The following ANKFN1 variants were observed in gnomAD, a reference collection of about 807,000 sequenced individuals.
The protein encoded by ANKFN1 is ankyrin repeat and fibronectin type III domain containing 1.
In ANKFN1, 74 loss-of-function variants were observed where a neutral mutation model predicts 108.7. The observed-to-expected ratio is 0.68, with a 90% CI of 0.56 to 0.83. ANKFN1 has a LOEUF of 0.83. Among genes scored for constraint, ANKFN1 ranks in the 40% least tolerant of loss-of-function variants. ANKFN1 has a pLI of 0.00. For synonymous variants in ANKFN1, 547 were observed against 516.2 expected, an observed-to-expected ratio of 1.06 and a Z score of -0.81; for missense variants, 1,505 against 1,382.3, an observed-to-expected ratio of 1.09 and a Z score of -1.41.
chr17:56,153,750 G>A (rs955685036), intron 1 of ANKFN1: 2 of 630,800 alleles, frequency 3.2e-6, no homozygotes, highest in Non-Finnish European at 5.6e-6. Context: ...TGTCTTTTGG[G>A]AGGTGGGAGA....
intron 1 of ANKFN1, among the ~76,000 whole-genome samples, chr17:56,209,498 CT>C (rs1355638526): frequency 1.3e-5 from 2 of 152,130 alleles, no homozygotes; most frequent in Non-Finnish European, 2.9e-5. Flanking sequence ...AGAAAACAGC[CT>C]TTTAAATATA....
intron 1 of ANKFN1, among the ~76,000 whole-genome samples, chr17:56,205,476 G>A (rs951328744): frequency 3.2e-4 from 49 of 152,252 alleles, no homozygotes; most frequent in African/African-American, 8.9e-4. Flanking sequence ...CTCATAAGCC[G>A]TTAGATCCTT....
At chr17:56,401,984 G>C (rs1469727816) in intron 8 of ANKFN1, among the ~76,000 whole-genome samples, 1 of 151,936 alleles carries the variant, frequency 6.6e-6, no homozygotes, top group Admixed American at 6.6e-5. Flanking sequence ...TGTTTATGTG[G>C]TGTATCACAT....
intron 4 of ANKFN1, among the ~76,000 whole-genome samples, chr17:56,145,974 A>G (rs1404702595): frequency 6.6e-6 from 1 of 152,224 alleles, no homozygotes; most frequent in African/African-American, 2.4e-5. Context: ...TGTAAAATCA[A>G]AAGCAAGTTA....
chr17:56,371,000 C>T (rs563775090), intron 6 of ANKFN1, among the ~76,000 whole-genome samples: 91 of 151,898 alleles, frequency 6.0e-4, no homozygotes, highest in Non-Finnish European at 1.1e-3. Context: ...TGCTTCCCTA[C>T]GTCCACAGCA....
In ANKFN1 at chr17:56,124,846, C is replaced by A. The variant is rs572047395; in HGVS notation, c.288+78521C>A. Among the ~76,000 whole-genome samples the A allele has an allele frequency of 2.6e-5, 4 of 152,312 alleles. No individual in the cohort carries two copies. In the East Asian group the frequency reaches 7.7e-4, roughly 29 times the overall value. On this transcript the variant is annotated intron_variant, in intron 4 of 12. Coordinates refer to the ANKFN1 transcript ENST00000635860. Reference sequence around the variant, plus strand: ...GCCCTTTTCTCCCCATATTTTTAACCCATGCTGTCCTTGGTTCTCTTTCCT... The same window carrying A: ...GCCCTTTTCTCCCCATATTTTTAACACATGCTGTCCTTGGTTCTCTTTCCT...
At chr17:56,394,767 G>C (rs2047530833) in intron 8 of ANKFN1, among the ~76,000 whole-genome samples, 2 of 152,292 alleles carry the variant, frequency 1.3e-5, no homozygotes, top group South Asian at 2.1e-4. Context: ...GCTGGCACTG[G>C]AGATGATAAG....
At chr17:56,342,296 T>G (rs1377776942) in intron 4 of ANKFN1, among the ~76,000 whole-genome samples, 3 of 151,738 alleles carry the variant, frequency 2.0e-5, no homozygotes, top group African/African-American at 7.3e-5. Flanking sequence ...TGTCTCTACC[T>G]CCTTAAGTTC....
intron 4 of ANKFN1, among the ~76,000 whole-genome samples, chr17:56,106,323 T>C (rs1428163270): frequency 1.6e-4 from 25 of 151,978 alleles, no homozygotes; most frequent in Admixed American, 1.6e-3. Flanking sequence ...TTTCCTAGAG[T>C]TGTCATGAGG....
chr17:56,336,714 T>A (rs542514267), intron 4 of ANKFN1, among the ~76,000 whole-genome samples: 223 of 152,304 alleles, frequency 1.5e-3, no homozygotes, highest in African/African-American at 5.0e-3. Context: ...TGTGTCTCTA[T>A]CTCCTTCAGT....
At chr17:56,413,316 C>G (rs1009229722) in intron 8 of ANKFN1, among the ~76,000 whole-genome samples, 2 of 152,122 alleles carry the variant, frequency 1.3e-5, no homozygotes, top group Non-Finnish European at 2.9e-5. Context: ...GCTGAAGCAA[C>G]TTTGGGGCCA....
chr17:56,311,167 TTGTGTG>T (rs34528192), intron 3 of ANKFN1, among the ~76,000 whole-genome samples: 2 of 147,606 alleles, frequency 1.4e-5, no homozygotes, highest in Non-Finnish European at 3.0e-5. Flanking sequence ...TCTCGTGTGT[TTGTGTG>T]TGTGTGTGTG....
intron 3 of ANKFN1, among the ~76,000 whole-genome samples, chr17:56,324,589 G>A (rs1460128412): frequency 6.6e-6 from 1 of 152,172 alleles, no homozygotes; most frequent in African/African-American, 2.4e-5. Flanking sequence ...TTTTCTAGAT[G>A]AAAGGGTAAA....
chr17:56,383,035 A>C (rs2047152907), intron 8 of ANKFN1, among the ~76,000 whole-genome samples: 1 of 152,184 alleles, frequency 6.6e-6, no homozygotes, highest in Admixed American at 6.5e-5. Flanking sequence ...CATTTTCTTC[A>C]GCACCACACC....
intron 4 of ANKFN1, among the ~76,000 whole-genome samples, chr17:56,081,234 G>C (rs764559440): frequency 2.6e-5 from 4 of 152,214 alleles, no homozygotes; most frequent in South Asian, 2.1e-4. Flanking sequence ...AACAGCATTA[G>C]AGCAGGAATG....
Position 56,482,494 on chromosome 17 carries a change from C to T in ANKFN1, c.2230C>T (p.Leu744Phe). 6.2e-7 allele frequency: 1 copy of T among 1,613,028 alleles called. No individual in the cohort carries two copies. Among genetic ancestry groups the T allele is most frequent in the Non-Finnish European group, 8.5e-7 (1 of 1,179,462 alleles). Reference protein sequence around the residue: ...NNPYTPHSGFLNLPLQMFELV... With the variant: ...NNPYTPHSGFFNLPLQMFELV... ...TCCTTACACCCCACACTCAGGGTTT[C>T]TTAACCTCCCTCTTCAGATGTTTGA... The change falls in exon 18 of 21, where the codon CTT becomes TTT. Residue 744 changes from leucine to phenylalanine, a missense_variant. Transcript: ENST00000682825.
At chr17:56,381,682 A>G (rs1036279289) in intron 8 of ANKFN1, among the ~76,000 whole-genome samples, 7 of 152,242 alleles carry the variant, frequency 4.6e-5, no homozygotes, top group Admixed American at 4.6e-4. Flanking sequence ...AAGAAAGGGT[A>G]TCAGTGATAG....
intron 3 of ANKFN1, among the ~76,000 whole-genome samples, chr17:56,264,513 T>G (rs1204802162): frequency 6.6e-6 from 1 of 152,162 alleles, no homozygotes; most frequent in Non-Finnish European, 1.5e-5. Context: ...ACACTCTCTT[T>G]CCCTCCTTTT....
At position 56,455,218 on chromosome 17, in the gene ANKFN1, T is replaced by TA. The variant is rs202081991; in HGVS notation, c.1208-1638dup. On this transcript the variant is annotated intron_variant, in intron 11 of 20. Coordinates refer to ENST00000682825, the MANE Select transcript of ANKFN1 (RefSeq NM_001370326.1). ...GTCTCCTTTCCCATCTCTTTGTCTT[T>TA]AAAAATTTATGTTGTTTCCTTCTTT... Among the ~76,000 whole-genome samples the TA allele has an allele frequency of 8.7e-3, 1,331 of 152,262 alleles. 18 individuals carry two copies. The highest frequency in any genetic ancestry group is 0.03 in the African/African-American group (1,233 of 41,540).
Sources: gnomAD v4.1 joint callset for allele counts (sites outside exome capture counted in the v4.1 genomes callset) on GRCh38, gnomAD v4.1.1 for gene constraint, MANE v1.5 for transcripts, NCBI Gene and HGNC (gene_info 2026-07-23, HGNC 2026-07-21) for gene names.